Variants in NAV2 observed in about 807,000 individuals in gnomAD.
NAV2 encodes the protein neuron navigator 2.
NAV2 carries 54 observed loss-of-function variants against 223.2 expected under a neutral mutation model. That is an observed-to-expected ratio of 0.24 (90% CI 0.19 to 0.30). The LOEUF (loss-of-function observed/expected upper bound fraction) is 0.30, where lower values mean the gene tolerates loss of function less well. NAV2 is among the 10% of genes least tolerant of loss of function. NAV2 has a pLI of 1.00. For synonymous variants in NAV2, 1,279 were observed against 1,239.3 expected (o/e 1.03, Z -0.67); for missense variants, 2,806 against 3,147.5 (o/e 0.89, Z 2.60).
chr11:20,055,765 C>T lies in NAV2; in HGVS notation c.4643-4C>T. 1.2e-6 allele frequency: 2 copies of T among 1,612,488 alleles called. No homozygotes were observed. The highest frequency in any genetic ancestry group is 8.5e-7 in the Non-Finnish European group (1 of 1,178,892). On this transcript the variant is annotated splice_polypyrimidine_tract_variant and splice_region_variant and intron_variant, in intron 18 of 37. Coordinates refer to ENST00000349880, the MANE Select transcript of NAV2 (RefSeq NM_145117.5). The stretch of plus-strand genomic sequence containing the variant: ...ACCTTTTGATTCTATTCCTTTTATT[C>T]CAGCGAGTCCCACCACTGTCACCCA...
At chr11:19,836,201 C>A (rs1487444812) in intron 2 of NAV2, among the ~76,000 whole-genome samples, 1 of 152,186 alleles carries the variant, frequency 6.6e-6, no homozygotes, top group Non-Finnish European at 1.5e-5. Context: ...GTATGTCACA[C>A]CTTTCTACTT....
At chr11:19,999,555 G>C (rs2249713) in intron 11 of NAV2, among the ~76,000 whole-genome samples, 29,819 of 152,140 alleles carry the variant, frequency 0.2, 3,068 homozygotes, top group Admixed American at 0.28. Context: ...ATTTTTAGTA[G>C]AGATGGGGTT....
rs761955481 is a variant in NAV2, at chr11:20,055,800, G to A, written c.4674G>A (p.Leu1558=). 6 of 1,613,998 alleles carry A rather than the reference G, an allele frequency of 3.7e-6. No individual in the cohort carries two copies. Among genetic ancestry groups the A allele is most frequent in the Non-Finnish European group, 5.1e-6 (6 of 1,180,010 alleles). ...ASPTTVTQMS[L]SNPTMLRTHS... Reference sequence around the variant, plus strand: ...CCACCACTGTCACCCAGATGAGCTTGTCCAACCCGACCATGCTGAGGACTC... The same window carrying A: ...CCACCACTGTCACCCAGATGAGCTTATCCAACCCGACCATGCTGAGGACTC... The change falls in exon 19 of 38, where the codon TTG becomes TTA. Residue 1558 remains leucine (L), a synonymous_variant. Coordinates refer to ENST00000349880, the MANE Select transcript of NAV2 (RefSeq NM_145117.5).
chr11:19,857,356 GATAAGA>G (rs1472532358), intron 3 of NAV2, among the ~76,000 whole-genome samples: 8 of 152,204 alleles, frequency 5.3e-5, no homozygotes, highest in African/African-American at 1.9e-4. Context: ...TAGGTGCCTT[GATAAGA>G]ATAAGTTGTC....
intron 9 of NAV2, among the ~76,000 whole-genome samples, 170 bp from the exon 10 acceptor site, chr11:19,948,521 T>C (rs1485604946): frequency 2.0e-5 from 3 of 152,194 alleles, no homozygotes; most frequent in Non-Finnish European, 2.9e-5. Context: ...TGTGTAGCTT[T>C]CCTTTCTCAT....
intron 1 of NAV2, among the ~76,000 whole-genome samples, chr11:19,681,318 C>T (rs796096719): frequency 1.3e-4 from 20 of 152,218 alleles, no homozygotes; most frequent in African/African-American, 4.3e-4. Flanking sequence ...TTAATTTCAC[C>T]GCAGTTATAA....
At chr11:20,025,905 G>T (rs1384223072) in intron 11 of NAV2, among the ~76,000 whole-genome samples, 2 of 152,188 alleles carry the variant, frequency 1.3e-5, no homozygotes, top group Admixed American at 6.5e-5. Flanking sequence ...CCTGGATCCT[G>T]TACTGCAACT....
intron 10 of NAV2, among the ~76,000 whole-genome samples, chr11:19,952,684 G>A (rs2047494813): frequency 6.6e-6 from 1 of 152,186 alleles, no homozygotes; most frequent in South Asian, 2.1e-4. Context: ...AAGTGATGCT[G>A]TACTTCGGCT....
At chr11:19,430,175 A>C (rs556867388) in intron 1 of NAV2, among the ~76,000 whole-genome samples, 160 of 152,174 alleles carry the variant, frequency 1.1e-3, no homozygotes, top group African/African-American at 3.6e-3. Context: ...TCCCTAGGGC[A>C]GAGCAAGGGA....
chr11:20,070,794 G>C (rs912102996), intron 22 of NAV2, among the ~76,000 whole-genome samples: 2 of 152,082 alleles, frequency 1.3e-5, no homozygotes, highest in African/African-American at 4.8e-5. Context: ...GCTTGGAACA[G>C]CCTCCACAGT....
At chr11:19,587,507 C>A (rs554623856) in intron 1 of NAV2, among the ~76,000 whole-genome samples, 1 of 152,182 alleles carries the variant, frequency 6.6e-6, no homozygotes, top group Non-Finnish European at 1.5e-5. Flanking sequence ...TCCTATTCAG[C>A]CACCTTGGCT....
At chr11:19,853,153 T>C (rs752360482) in intron 3 of NAV2, among the ~76,000 whole-genome samples, 10 of 152,186 alleles carry the variant, frequency 6.6e-5, no homozygotes, top group Admixed American at 2.0e-4. Context: ...TGATTTGGTA[T>C]GCCTAGGGAG....
intron 1 of NAV2, among the ~76,000 whole-genome samples, chr11:19,821,261 CAAAAAAAAAAAA>C (rs60029840): frequency 1.0e-5 from 1 of 99,594 alleles, no homozygotes; most frequent in African/African-American, 3.8e-5. Flanking sequence ...GACTCTGTCT[CAAAAAAAAAAAA>C]AAAAAAAAAG....
intron 4 of NAV2, among the ~76,000 whole-genome samples, chr11:19,875,860 G>A (rs1374322837): frequency 2.0e-5 from 3 of 152,102 alleles, no homozygotes; most frequent in Non-Finnish European, 4.4e-5. Flanking sequence ...TGGCACACAG[G>A]GGATGAGCAG....
At chr11:19,872,342 C>A (rs1305631110) in intron 4 of NAV2, among the ~76,000 whole-genome samples, 1 of 152,156 alleles carries the variant, frequency 6.6e-6, no homozygotes, top group Non-Finnish European at 1.5e-5. Context: ...TGCAGATGAG[C>A]AAACCAAGGC....
intron 3 of NAV2, among the ~76,000 whole-genome samples, chr11:19,859,216 T>C (rs1294664813): frequency 7.5e-6 from 1 of 133,196 alleles, no homozygotes; most frequent in Non-Finnish European, 1.6e-5. Context: ...CACAGGACAA[T>C]AGTGGAGGGA....
intron 1 of NAV2, among the ~76,000 whole-genome samples, chr11:19,442,419 T>C (rs1186657095): frequency 6.6e-6 from 1 of 152,168 alleles, no homozygotes; most frequent in Non-Finnish European, 1.5e-5. Context: ...TAATTACGTC[T>C]GTGGGTTTGG....
At chr11:20,091,928 A>C (rs1175610608) in intron 27 of NAV2, among the ~76,000 whole-genome samples, 1 of 152,154 alleles carries the variant, frequency 6.6e-6, no homozygotes, top group African/African-American at 2.4e-5. Context: ...CTTAGATCAT[A>C]AGACTCTTTT....
At chr11:19,513,675 G>T (rs942461466) in intron 1 of NAV2, among the ~76,000 whole-genome samples, 1 of 152,190 alleles carries the variant, frequency 6.6e-6, no homozygotes, top group Non-Finnish European at 1.5e-5. Context: ...CTATGTTGAA[G>T]TCCTAACCCC....
Sources: allele counts gnomAD v4.1 joint callset (sites outside exome capture counted in the v4.1 genomes callset), GRCh38; gene constraint gnomAD v4.1.1; transcripts MANE v1.5; gene names NCBI Gene and HGNC (gene_info 2026-07-23, HGNC 2026-07-21).